PRKG1: variants seen among roughly 807,000 people sequenced by gnomAD.
PRKG1 encodes the protein cGMP-dependent protein kinase 1.
PRKG1 carries 35 observed loss-of-function variants against 88.1 expected under a neutral mutation model. The observed-to-expected ratio is 0.40, with a 90% CI of 0.30 to 0.53. The LOEUF is 0.53. Among genes scored for constraint, PRKG1 ranks in the 20% least tolerant of loss-of-function variants. The pLI is 0.59. For missense variants in PRKG1, 540 were observed against 839.8 expected, an observed-to-expected ratio of 0.64 and a Z score of 4.41; for synonymous variants, 303 against 292.5, an observed-to-expected ratio of 1.04 and a Z score of -0.37.
At chr10:51,097,286 G>A (rs1844552138) in intron 1 of PRKG1, among the ~76,000 whole-genome samples, 2 of 152,248 alleles carry the variant, frequency 1.3e-5, no homozygotes, top group South Asian at 2.1e-4. Context: ...GCAGTAGCAT[G>A]ATCTCAGCTC....
intron 4 of PRKG1, among the ~76,000 whole-genome samples, chr10:51,834,773 G>T (rs1346945856): frequency 1.1e-4 from 16 of 151,840 alleles, no homozygotes; most frequent in Admixed American, 9.9e-4. Context: ...AAAGAAAAAA[G>T]AAAAGAAAAG....
At chr10:52,207,157 A>T (rs185811602) in intron 9 of PRKG1, among the ~76,000 whole-genome samples, 162 of 152,182 alleles carry the variant, frequency 1.1e-3, no homozygotes, top group Non-Finnish European at 2.0e-3. Context: ...CCAGCAGGGG[A>T]GGGGAGGCGA....
At chr10:51,643,136 A>G (rs1039974172) in intron 3 of PRKG1, among the ~76,000 whole-genome samples, 1 of 152,150 alleles carries the variant, frequency 6.6e-6, no homozygotes, top group Non-Finnish European at 1.5e-5. Context: ...AAATTAGTCA[A>G]TGGAATGCTA....
intron 10 of PRKG1, chr10:52,252,008 ACTAACAATTATGCACC>A (rs1841183637): frequency 5.9e-6 from 1 of 169,706 alleles, no homozygotes; most frequent in Non-Finnish European, 1.3e-5. Flanking sequence ...AGTGGTGCTT[ACTAACAATTATGCACC>A]CTAACAACAA....
intron 7 of PRKG1, among the ~76,000 whole-genome samples, chr10:52,109,951 C>T (rs940750529): frequency 6.6e-6 from 1 of 151,880 alleles, no homozygotes; most frequent in African/African-American, 2.4e-5. Flanking sequence ...AATTCCCGAG[C>T]TGTGAGCCTT....
rs1837810917 is a variant in PRKG1, at chr10:52,148,852, T to C, written c.1002-13037T>C. The stretch of plus-strand genomic sequence containing the variant: ...AATAAGGGTGAAAGAAAGATGGGAA[T>C]AGAATTCCAGGCAGCAATAGGCTGA... On this transcript the variant is annotated intron_variant, in intron 8 of 17. Coordinates refer to ENST00000373980, the MANE Select transcript of PRKG1 (RefSeq NM_006258.4). Among the ~76,000 whole-genome samples the C allele has an allele frequency of 2.0e-5, 3 of 150,032 alleles. No homozygotes were observed. In the Admixed American group the frequency reaches 2.0e-4, roughly 10 times the overall value.
intron 1 of PRKG1, among the ~76,000 whole-genome samples, chr10:51,045,612 A>G (rs540447975): frequency 6.6e-6 from 1 of 152,300 alleles, no homozygotes; most frequent in Admixed American, 6.5e-5. Flanking sequence ...TTACCATTGC[A>G]AAGGAACTAT....
intron 3 of PRKG1, among the ~76,000 whole-genome samples, chr10:51,479,621 C>T (rs1319123667): frequency 6.6e-6 from 1 of 151,920 alleles, no homozygotes; most frequent in African/African-American, 2.4e-5. Context: ...TTCTTTTCCA[C>T]TCTCGATGTG....
chr10:51,211,696 T>A (rs1440041153), intron 2 of PRKG1, among the ~76,000 whole-genome samples: 1 of 152,190 alleles, frequency 6.6e-6, no homozygotes, highest in African/African-American at 2.4e-5. Flanking sequence ...AGCCAAATCA[T>A]GAGTGAGCTC....
intron 4 of PRKG1, among the ~76,000 whole-genome samples, chr10:51,808,850 T>C (rs1411993625): frequency 2.6e-5 from 4 of 152,208 alleles, no homozygotes; most frequent in Non-Finnish European, 5.9e-5. Flanking sequence ...CAAAGGATCA[T>C]GCAAATTATC....
chr10:52,186,544 G>A (rs1287102907), intron 9 of PRKG1, among the ~76,000 whole-genome samples: 1 of 151,912 alleles, frequency 6.6e-6, no homozygotes, highest in Non-Finnish European at 1.5e-5. Flanking sequence ...ATATTTGGAG[G>A]GGACAAGCAT....
At chr10:51,362,800 C>T (rs182088427) in intron 2 of PRKG1, among the ~76,000 whole-genome samples, 72 of 151,890 alleles carry the variant, frequency 4.7e-4, no homozygotes, top group African/African-American at 1.5e-3. Flanking sequence ...CTCAACAGGC[C>T]CTGGTGTGTG....
intron 5 of PRKG1, among the ~76,000 whole-genome samples, chr10:52,024,479 A>G (rs982853133): frequency 6.6e-6 from 1 of 150,624 alleles, no homozygotes; most frequent in Admixed American, 6.6e-5. Context: ...TCCCTCCCCC[A>G]TTCCCCCACC....
At chr10:51,393,555 G>A (rs1039316419) in intron 2 of PRKG1, among the ~76,000 whole-genome samples, 4 of 152,178 alleles carry the variant, frequency 2.6e-5, no homozygotes, top group Non-Finnish European at 5.9e-5. Flanking sequence ...AGAAGCAAAG[G>A]AGACCAAGAT....
chr10:51,650,470 C>A (rs530408917), intron 3 of PRKG1, among the ~76,000 whole-genome samples: 2 of 152,066 alleles, frequency 1.3e-5, no homozygotes, highest in Non-Finnish European at 2.9e-5. Context: ...TAATTAGCAA[C>A]GCTAAAACCA....
At chr10:52,087,826 A>G (rs573714263) in intron 7 of PRKG1, among the ~76,000 whole-genome samples, 142 of 152,282 alleles carry the variant, frequency 9.3e-4, no homozygotes, top group African/African-American at 3.3e-3. Context: ...CACTAAAGCT[A>G]TTTCCTTTTC....
chr10:52,149,405 G>C (rs1043351793), intron 8 of PRKG1, among the ~76,000 whole-genome samples: 1 of 151,882 alleles, frequency 6.6e-6, no homozygotes, highest in Non-Finnish European at 1.5e-5. Context: ...ACTGAATTAT[G>C]TCCACCCCAA....
intron 3 of PRKG1, among the ~76,000 whole-genome samples, chr10:51,802,259 A>C (rs1304501255): frequency 6.6e-6 from 1 of 152,178 alleles, no homozygotes; most frequent in Non-Finnish European, 1.5e-5. Flanking sequence ...GGCCAAAGCT[A>C]AATATAAAAA....
chr10:51,997,956 T>A (rs1844494388), intron 5 of PRKG1, among the ~76,000 whole-genome samples: 1 of 152,128 alleles, frequency 6.6e-6, no homozygotes, highest in Non-Finnish European at 1.5e-5. Context: ...ATAGCAAGCA[T>A]CTTTTCCTCT....
Sources: gnomAD v4.1 joint callset for allele counts (sites outside exome capture counted in the v4.1 genomes callset) on GRCh38, gnomAD v4.1.1 for gene constraint, MANE v1.5 for transcripts, NCBI Gene and HGNC (gene_info 2026-07-23, HGNC 2026-07-21) for gene names.